ARHGAP35: variants seen among roughly 807,000 people sequenced by gnomAD.
ARHGAP35 encodes rho GTPase-activating protein 35.
Under a neutral mutation model 111.1 loss-of-function variants are expected in ARHGAP35, and 15 were observed. The observed-to-expected ratio is 0.13, with a 90% CI of 0.09 to 0.21. The LOEUF (loss-of-function observed/expected upper bound fraction) is 0.21, where lower values mean the gene tolerates loss of function less well. Ranked by LOEUF, ARHGAP35 falls within the 10% of genes least tolerant of loss-of-function variation. The pLI, the probability that ARHGAP35 is intolerant of heterozygous loss-of-function variation, is 1.00. For synonymous variants in ARHGAP35, 643 were observed against 710.3 expected, an observed-to-expected ratio of 0.91 and a Z score of 1.51; for missense variants, 1,262 against 1,873.0, an observed-to-expected ratio of 0.67 and a Z score of 6.02.
chr19:46,904,315 T>C (rs1000909098), intron 1 of ARHGAP35, among the ~76,000 whole-genome samples: 3 of 152,214 alleles, frequency 2.0e-5, no homozygotes, highest in Admixed American at 6.5e-5. Flanking sequence ...GCAGATCATG[T>C]TCATCTGGAA....
At chr19:46,969,620 C>A (rs2056533788) in intron 3 of ARHGAP35, among the ~76,000 whole-genome samples, 1 of 152,224 alleles carries the variant, frequency 6.6e-6, no homozygotes, top group African/African-American at 2.4e-5. Flanking sequence ...TTAGAGAGCA[C>A]TTGCCTCCTG....
chr19:46,898,775 A>AGCT (rs112008743), intron 1 of ARHGAP35, among the ~76,000 whole-genome samples: 15,446 of 150,860 alleles, frequency 0.1, 868 homozygotes, highest in East Asian at 0.2. Context: ...TGCACAGATG[A>AGCT]GCTGCTGCTG....
chr19:46,966,903 C>T (rs889586146), intron 3 of ARHGAP35, among the ~76,000 whole-genome samples: 17 of 152,148 alleles, frequency 1.1e-4, no homozygotes, highest in Non-Finnish European at 2.1e-4. Flanking sequence ...AGTCAGGGAG[C>T]TTGCTTGCTT....
At chr19:46,874,540 G>T (rs1315611960) in intron 1 of ARHGAP35, among the ~76,000 whole-genome samples, 2 of 105,170 alleles carry the variant, frequency 1.9e-5, no homozygotes, top group African/African-American at 7.6e-5. Context: ...GTCTTGCTCT[G>T]TTGCCCAGGC....
chr19:46,951,656 T>C (rs890615112), intron 3 of ARHGAP35, among the ~76,000 whole-genome samples: 6 of 152,212 alleles, frequency 3.9e-5, no homozygotes, highest in African/African-American at 1.2e-4. Flanking sequence ...CCTGGCAGGT[T>C]GTAAGTAGTC....
In ARHGAP35 at chr19:46,922,373, G is replaced by T; in HGVS notation, c.3681+17G>T. Reference sequence around the variant, plus strand: ...AACACTAAGGTAAGACACCAGTCTAGGATTAGTCATAGTGTTTTGTACAGC... The same window carrying T: ...AACACTAAGGTAAGACACCAGTCTATGATTAGTCATAGTGTTTTGTACAGC... On this transcript the variant is annotated intron_variant, in intron 2 of 6. Coordinates refer to ENST00000672722, the MANE Select transcript of ARHGAP35 (RefSeq NM_004491.5). The surrounding 1 kb of genome is among the most constrained non-coding windows in gnomAD (Gnocchi z 4.0). 3.2e-6 allele frequency: 5 copies of T among 1,554,288 alleles called. No homozygotes were observed. The highest frequency in any genetic ancestry group is 3.5e-6 in the Non-Finnish European group (4 of 1,151,426).
At chr19:46,897,008 C>T (rs1035020539) in intron 1 of ARHGAP35, among the ~76,000 whole-genome samples, 1 of 152,076 alleles carries the variant, frequency 6.6e-6, no homozygotes, top group Non-Finnish European at 1.5e-5. Context: ...ATCCTCCCAC[C>T]TCAGCCTCCC....
chr19:46,969,878 T>A (rs186692564), intron 3 of ARHGAP35, among the ~76,000 whole-genome samples: 56 of 152,302 alleles, frequency 3.7e-4, no homozygotes, highest in Non-Finnish European at 6.9e-4. Context: ...CCCTCCCACC[T>A]GCCAAGGCAA....
chr19:46,947,194 T>G (rs2056384723), intron 3 of ARHGAP35: 1 of 152,238 alleles, frequency 6.6e-6, no homozygotes, highest in Non-Finnish European at 1.5e-5. Context: ...AAATGAGTAT[T>G]TATTGACTTT....
At chr19:46,946,538 A>T (rs2056380457) in intron 3 of ARHGAP35, 1 of 151,722 alleles carries the variant, frequency 6.6e-6, no homozygotes, top group Admixed American at 6.6e-5. Flanking sequence ...TCTTTTTCTT[A>T]TTTTTTACTT....
intron 3 of ARHGAP35, among the ~76,000 whole-genome samples, chr19:46,941,152 C>T (rs184618108): frequency 6.6e-6 from 1 of 152,208 alleles, no homozygotes; most frequent in East Asian, 1.9e-4. Flanking sequence ...TGCGATTTAT[C>T]AGAAGGATGT....
rs2056173786 is a variant in ARHGAP35, at chr19:46,918,013, C to G, written c.-188-475C>G. Among the ~76,000 whole-genome samples, 1 of 152,178 alleles carries G rather than the reference C, an allele frequency of 6.6e-6. No individual in the cohort carries two copies. Among genetic ancestry groups the G allele is most frequent in the Non-Finnish European group, 1.5e-5 (1 of 68,038 alleles). On this transcript the variant is annotated intron_variant, in intron 1 of 6. Transcript: ENST00000672722. The surrounding 1 kb of genome is among the most constrained non-coding windows in gnomAD (Gnocchi z 5.4). The stretch of plus-strand genomic sequence containing the variant: ...ACAGGCGTAAGCTACCACGCCCGGC[C>G]CAGGTTCCTGTTTTTGCAGTGGGTT...
chr19:46,967,605 T>C (rs410629), intron 3 of ARHGAP35, among the ~76,000 whole-genome samples: 87,334 of 152,010 alleles, frequency 0.57, 25,785 homozygotes, highest in Middle Eastern at 0.72. Context: ...GATCACTTCA[T>C]CTTCACCTGC....
At chr19:46,880,800 C>T (rs990337053) in intron 1 of ARHGAP35, among the ~76,000 whole-genome samples, 5 of 151,802 alleles carry the variant, frequency 3.3e-5, no homozygotes, top group Non-Finnish European at 2.9e-5. Flanking sequence ...CTCAGCCTAC[C>T]GAGTACCTGA....
At chr19:46,984,284 A>C (rs138975188) in intron 3 of ARHGAP35, among the ~76,000 whole-genome samples, 260 of 152,316 alleles carry the variant, frequency 1.7e-3, no homozygotes, top group African/African-American at 6.0e-3. Context: ...GCCTTCTGCC[A>C]CTGGCGGGTG....
intron 5 of ARHGAP35, among the ~76,000 whole-genome samples, chr19:46,998,080 T>C (rs34208959): frequency 0.012 from 1,892 of 151,432 alleles, 15 homozygotes; most frequent in Middle Eastern, 0.024. Context: ...CCAGCCTGGG[T>C]GACAGAGTGA....
rs755241086 is a variant in ARHGAP35, at chr19:46,937,452, C to A, written c.3826+44C>A. On this transcript the variant is annotated intron_variant, in intron 3 of 6. Transcript: ENST00000672722. Reference sequence around the variant, plus strand: ...AGCAGTTTATAACTTTCACTGTCTACAGGATGCTTACTGGAGGGTCAAGCC... The same window carrying A: ...AGCAGTTTATAACTTTCACTGTCTAAAGGATGCTTACTGGAGGGTCAAGCC... 11 of 1,603,390 alleles carry A rather than the reference C, an allele frequency of 6.9e-6. No homozygotes were observed. The South Asian group carries it at 1.2e-4, about 18-fold the overall frequency.
In ARHGAP35 at chr19:46,919,772, C is replaced by A; in HGVS notation, c.1097C>A (p.Ala366Asp). 1 of 1,614,012 alleles carries A rather than the reference C, an allele frequency of 6.2e-7. No homozygotes were observed. Among genetic ancestry groups the A allele is most frequent in the Non-Finnish European group, 8.5e-7 (1 of 1,179,880 alleles). ...DEIDHLSCIK[A>D]KKLLETKPEF... is the part of the protein sequence containing the mutation. ...ATAGACCACCTAAGCTGCATAAAAG[C>A]CAAAAAGCTCTTAGAAACCAAGCCA... Residue 366 changes from alanine to aspartate, a missense_variant, in exon 2 of 7, where the codon GCC (alanine) becomes GAC (aspartate). Around this residue, in one of 8 missense-constraint regions of ARHGAP35, gnomAD observed 328 missense variants for 440.8 expected, o/e 0.74. Coordinates refer to ENST00000672722, the MANE Select transcript of ARHGAP35 (RefSeq NM_004491.5). The surrounding 1 kb of genome is among the most constrained non-coding windows in gnomAD (Gnocchi z 6.2).
chr19:46,875,053 G>T (rs542543068), intron 1 of ARHGAP35, among the ~76,000 whole-genome samples: 3 of 151,778 alleles, frequency 2.0e-5, no homozygotes, highest in African/African-American at 7.3e-5. Flanking sequence ...CTTGTGATCT[G>T]CCCGCCTCGG....
Sources: gnomAD v4.1 joint callset for allele counts (sites outside exome capture counted in the v4.1 genomes callset) on GRCh38, gnomAD v4.1.1 for gene constraint, gnomAD v4.1.1 regional missense constraint, Gnocchi (gnomAD v3.1) non-coding constraint, MANE v1.5 for transcripts, NCBI Gene and HGNC (gene_info 2026-07-23, HGNC 2026-07-21) for gene names.